SYN3: variants seen among roughly 807,000 people sequenced by gnomAD.
The protein encoded by SYN3 is synapsin-3.
In SYN3, 35 loss-of-function variants were observed where a neutral mutation model predicts 65.8. That is an observed-to-expected ratio of 0.53 (90% CI 0.41 to 0.70). The LOEUF (loss-of-function observed/expected upper bound fraction) is 0.70, where lower values mean the gene tolerates loss of function less well. Among genes scored for constraint, SYN3 ranks in the 30% least tolerant of loss-of-function variants. SYN3 has a pLI of 0.00. For synonymous variants in SYN3, 270 were observed against 292.9 expected (o/e 0.92, Z 0.80); for missense variants, 680 against 749.0 (o/e 0.91, Z 1.08).
chr22:32,971,033 C>CATA (rs1411781427), intron 3 of SYN3, among the ~76,000 whole-genome samples: 12 of 152,324 alleles, frequency 7.9e-5, no homozygotes, highest in Admixed American at 6.5e-4. Context: ...CAGCAACAGG[C>CATA]ATACTGTGTG....
chr22:32,974,902 A>C (rs2052137131), intron 3 of SYN3, among the ~76,000 whole-genome samples: 2 of 152,242 alleles, frequency 1.3e-5, no homozygotes, highest in African/African-American at 4.8e-5. Flanking sequence ...ATTGATTTAG[A>C]GATGTTTTAG....
At chr22:32,859,331 G>C in intron 6 of SYN3, 1 of 1,613,724 alleles carries the variant, frequency 6.2e-7, no homozygotes, top group Non-Finnish European at 8.5e-7. Flanking sequence ...TGGTACCGAG[G>C]ATGGGCCCCC....
At chr22:32,848,110 G>A (rs1043826183) in intron 6 of SYN3, among the ~76,000 whole-genome samples, 2 of 152,194 alleles carry the variant, frequency 1.3e-5, no homozygotes, top group African/African-American at 4.8e-5. Flanking sequence ...CAGCTCTTGG[G>A]TGCTTCTTTT....
intron 6 of SYN3, among the ~76,000 whole-genome samples, chr22:32,827,235 G>A (rs1391896205): frequency 2.6e-5 from 4 of 152,202 alleles, no homozygotes. Flanking sequence ...ATTGCTGGGT[G>A]TTAGCTTACC....
At chr22:32,919,599 C>T (rs532791507) in intron 4 of SYN3, among the ~76,000 whole-genome samples, 2 of 152,204 alleles carry the variant, frequency 1.3e-5, no homozygotes, top group South Asian at 4.2e-4. Context: ...GCCTGGCACT[C>T]GAAATTTGCC....
intron 6 of SYN3, among the ~76,000 whole-genome samples, chr22:32,820,167 T>A (rs1165445452): frequency 6.6e-6 from 1 of 152,056 alleles, no homozygotes; most frequent in Non-Finnish European, 1.5e-5. Flanking sequence ...TGAGGCTGGC[T>A]CCTGTGCCCA....
intron 3 of SYN3, among the ~76,000 whole-genome samples, chr22:32,963,291 T>C (rs567399817): frequency 1.7e-4 from 26 of 149,862 alleles, no homozygotes; most frequent in Non-Finnish European, 3.5e-4. Flanking sequence ...TTCACCATGT[T>C]GACCAGGCTG....
chr22:32,541,873 A>G (rs1445014218), intron 7 of SYN3, among the ~76,000 whole-genome samples, 160 bp from the exon 8 acceptor site: 1 of 152,036 alleles, frequency 6.6e-6, no homozygotes, highest in African/African-American at 2.4e-5. Flanking sequence ...TCCACCACAC[A>G]CCGCACGAGC....
chr22:32,532,354 G>C (rs369726017), intron 10 of SYN3, among the ~76,000 whole-genome samples: 4 of 152,286 alleles, frequency 2.6e-5, no homozygotes. Flanking sequence ...CCCAGAAGGC[G>C]AGGGACCGGC....
At chr22:32,787,327 C>T (rs529274374) in intron 6 of SYN3, among the ~76,000 whole-genome samples, 2 of 152,186 alleles carry the variant, frequency 1.3e-5, no homozygotes, top group East Asian at 1.9e-4. Flanking sequence ...GGATTACAGG[C>T]GTGAGCCACC....
chr22:32,604,326 A>G (rs9784230), intron 6 of SYN3, among the ~76,000 whole-genome samples: 4,029 of 152,076 alleles, frequency 0.026, 176 homozygotes, highest in African/African-American at 0.091. Flanking sequence ...GCTCTCCCCC[A>G]TGTCTTCTGT....
chr22:32,854,826 T>G (rs1311804015), intron 6 of SYN3, among the ~76,000 whole-genome samples: 1 of 152,122 alleles, frequency 6.6e-6, no homozygotes, highest in African/African-American at 2.4e-5. Context: ...AGGAAGACCA[T>G]CTGAGTCCAT....
chr22:32,537,458 C>T (rs756136463), intron 9 of SYN3, among the ~76,000 whole-genome samples: 8 of 152,124 alleles, frequency 5.3e-5, no homozygotes, highest in African/African-American at 9.7e-5. Context: ...CGCACCCGGC[C>T]GGCACTTCCT....
intron 4 of SYN3, among the ~76,000 whole-genome samples, chr22:32,919,160 G>A (rs1041974794): frequency 6.6e-6 from 1 of 152,148 alleles, no homozygotes; most frequent in African/African-American, 2.4e-5. Flanking sequence ...CTGTGTGCAT[G>A]TCCACCCAAA....
chr22:32,940,007 A>G (rs146735656), intron 3 of SYN3, among the ~76,000 whole-genome samples: 43 of 152,310 alleles, frequency 2.8e-4, no homozygotes, highest in African/African-American at 9.9e-4. Context: ...GTCTTTTTCA[A>G]CACTTAGTAT....
intron 6 of SYN3, among the ~76,000 whole-genome samples, chr22:32,735,495 A>G (rs2061326829): frequency 1.3e-5 from 2 of 152,142 alleles, no homozygotes; most frequent in Middle Eastern, 6.8e-3. Flanking sequence ...CTGGAACATC[A>G]TTCCTGTATT....
chr22:32,937,986 A>G (rs1452375859), intron 3 of SYN3, among the ~76,000 whole-genome samples: 1 of 152,216 alleles, frequency 6.6e-6, no homozygotes, highest in Non-Finnish European at 1.5e-5. Flanking sequence ...AAGTTTTTCT[A>G]CATTTAATGA....
At chr22:32,551,683 AATT>A (rs1307619147) in intron 7 of SYN3, among the ~76,000 whole-genome samples, 1 of 152,134 alleles carries the variant, frequency 6.6e-6, no homozygotes, top group Non-Finnish European at 1.5e-5. Flanking sequence ...GATATTAAAG[AATT>A]ATTATTATGT....
intron 2 of SYN3, among the ~76,000 whole-genome samples, chr22:33,003,246 A>G (rs1365221358): frequency 2.0e-5 from 3 of 152,198 alleles, no homozygotes; most frequent in African/African-American, 4.8e-5. Flanking sequence ...AAGATACCCA[A>G]AAATGTGTAA....
Sources: allele counts gnomAD v4.1 joint callset (sites outside exome capture counted in the v4.1 genomes callset), GRCh38; gene constraint gnomAD v4.1.1; transcripts MANE v1.5; gene names NCBI Gene and HGNC (gene_info 2026-07-23, HGNC 2026-07-21).